Variants in SLC30A10 observed in about 807,000 individuals in gnomAD.
The protein encoded by SLC30A10 is solute carrier family 30 member 10, also known as calcium/manganese antiporter SLC30A10.
Under a neutral mutation model 21.7 loss-of-function variants are expected in SLC30A10, and 8 were observed. The ratio of observed to expected loss-of-function variants is 0.37; its 90% confidence interval spans 0.22 to 0.67. The LOEUF (loss-of-function observed/expected upper bound fraction) is 0.67. Among genes scored for constraint, SLC30A10 ranks in the 30% least tolerant of loss-of-function variants. The pLI is 0.58. For missense variants in SLC30A10, 521 were observed against 642.5 expected (o/e 0.81, Z 2.04); for synonymous variants, 272 against 279.4 (o/e 0.97, Z 0.26).
Position 219,928,369 on chromosome 1 carries a change from C to T in SLC30A10, c.72G>A (p.Ala24=). The part of the protein sequence containing the change: ...MLVLTVAFFV[A]ELVSGYLGNS... ...TGCCCAGGTAGCCGGAGACCAGCTC[C>T]GCCACGAAGAAGGCGACGGTGAGCA... Residue 24 remains alanine (A), a synonymous_variant, in exon 1 of 4, where the codon GCG becomes GCA. Transcript: ENST00000366926. The surrounding 1 kb of genome is among the most constrained non-coding windows in gnomAD (Gnocchi z 6.3). 1.9e-6 allele frequency: 3 copies of T among 1,613,538 alleles called. No individual in the cohort carries two copies. The highest frequency in any genetic ancestry group is 2.5e-6 in the Non-Finnish European group (3 of 1,179,744).
chr1:219,958,747 A>C, upstream of SLC30A10: 1 of 152,622 alleles, frequency 6.6e-6, no homozygotes, highest in East Asian at 1.9e-4. Flanking sequence ...GCTGAACATC[A>C]GCGCCACCGC....
chr1:219,923,797 C>T (rs966756889), intron 2 of SLC30A10, among the ~76,000 whole-genome samples: 5 of 152,168 alleles, frequency 3.3e-5, no homozygotes, highest in African/African-American at 7.2e-5. Flanking sequence ...CGGTGGCTCA[C>T]GCCTATAATC....
chr1:219,952,719 T>C (rs1381446030), intron 1 of SLC30A10, among the ~76,000 whole-genome samples: 1 of 152,208 alleles, frequency 6.6e-6, no homozygotes, highest in Non-Finnish European at 1.5e-5. Flanking sequence ...AGACTGACAA[T>C]GCACAGATGT....
At chr1:219,923,520 T>G (rs999024104) in intron 2 of SLC30A10, among the ~76,000 whole-genome samples, 1 of 152,244 alleles carries the variant, frequency 6.6e-6, no homozygotes, top group African/African-American at 2.4e-5. Flanking sequence ...TCTTTCTTAT[T>G]GGAATTACAA....
chr1:219,927,989 C>T lies in SLC30A10; in HGVS notation c.452G>A (p.Arg151His), dbSNP rs1263339271. ...CGCCAGCTGCTGCCGCTGCTGCAGG[C>T]GGCGACTGCGTCCCCGGAGGCAGCA... is the stretch of plus-strand genomic sequence containing the variant. ...FACCLRGRSRRLQQRQQLAEG... is the reference protein window; with the variant it reads ...FACCLRGRSRHLQQRQQLAEG... Residue 151 changes from arginine (R) to histidine (H), a missense_variant, in exon 1 of 4, where the codon CGC (arginine) becomes CAC (histidine). Physicochemically the swap from Arg to His is conservative, Grantham distance 29. Coordinates refer to ENST00000366926, the MANE Select transcript of SLC30A10 (RefSeq NM_018713.3). The T allele has an allele frequency of 6.4e-7, 1 of 1,552,798 alleles. No individual in the cohort carries two copies. Among genetic ancestry groups the T allele is most frequent in the African/African-American group, 1.4e-5 (1 of 72,460 alleles).
chr1:219,924,876 T>A (rs183848493), intron 2 of SLC30A10, among the ~76,000 whole-genome samples: 1 of 152,196 alleles, frequency 6.6e-6, no homozygotes, highest in African/African-American at 2.4e-5. Flanking sequence ...GATGAGGGGA[T>A]TGGAGGCTTA....
chr1:219,957,978 A>C (rs993205904), intron 1 of SLC30A10, among the ~76,000 whole-genome samples: 1 of 152,212 alleles, frequency 6.6e-6, no homozygotes, highest in Non-Finnish European at 1.5e-5. Flanking sequence ...GCAATAAATA[A>C]GTGCAAATTT....
At position 219,920,277 on chromosome 1, in the gene SLC30A10, T is replaced by G. The variant is rs551039931; in HGVS notation, c.719-1783A>C. ...CTCCCCAGTCCCTGTCCTGAACCACTGAAGGGAAACTCAAAAATACTTTGT... is the reference window on the plus strand; with the variant it reads ...CTCCCCAGTCCCTGTCCTGAACCACGGAAGGGAAACTCAAAAATACTTTGT... On this transcript the variant is annotated intron_variant, in intron 2 of 3. Coordinates refer to ENST00000366926, the MANE Select transcript of SLC30A10 (RefSeq NM_018713.3). Among the ~76,000 whole-genome samples, 321 of 152,266 alleles carry G rather than the reference T, an allele frequency of 2.1e-3. 1 individual carries two copies. The highest frequency in any genetic ancestry group is 7.5e-3 in the African/African-American group (310 of 41,554).
intron 1 of SLC30A10, among the ~76,000 whole-genome samples, chr1:219,948,049 T>C: frequency 6.6e-6 from 1 of 151,708 alleles, no homozygotes; most frequent in Non-Finnish European, 1.5e-5. Context: ...GAATCCAACT[T>C]ACAAGGGACG....
chr1:219,925,651 A>ATATATATTTTT (rs1317554458), intron 2 of SLC30A10, among the ~76,000 whole-genome samples: 4 of 48,282 alleles, frequency 8.3e-5, no homozygotes, highest in African/African-American at 4.7e-4. Flanking sequence ...ATATATATAT[A>ATATATATTTTT]TTTTTTTTTT....
At chr1:219,954,089 G>A (rs1660311034) in intron 1 of SLC30A10, among the ~76,000 whole-genome samples, 1 of 151,870 alleles carries the variant, frequency 6.6e-6, no homozygotes, top group Non-Finnish European at 1.5e-5. Flanking sequence ...TCTTGGCCTT[G>A]CCTACTCTGC....
rs1382463544 is a variant in SLC30A10, at chr1:219,915,309, A to G, written c.*140T>C. 12 of 1,092,706 alleles carry G rather than the reference A, an allele frequency of 1.1e-5. No individual in the cohort carries two copies. The highest frequency in any genetic ancestry group is 1.5e-5 in the Non-Finnish European group (11 of 752,340). The allele number at this position is 1,092,706 out of a possible 1,614,324, so 67.7% of individuals were successfully genotyped here. On this transcript the variant is annotated 3_prime_UTR_variant, in exon 4 of 4. Transcript: ENST00000366926. ...CACAGACACGTTTAACTAAAATCCC[A>G]AACAGCCAACCCCTAGTGAACACAG...
At position 219,928,510 on chromosome 1, in the gene SLC30A10, G is replaced by T. The variant is rs886046005; in HGVS notation, c.-70C>A. On this transcript the variant is annotated 5_prime_UTR_variant, in exon 1 of 4. Coordinates refer to ENST00000366926, the MANE Select transcript of SLC30A10 (RefSeq NM_018713.3). The surrounding 1 kb of genome is among the most constrained non-coding windows in gnomAD (Gnocchi z 6.3). ...GCCCACCCCGCGCGCAGCCACAGGT[G>T]GGGGGCGCGGCGCGGATCCGTGAGG... The T allele has an allele frequency of 3.2e-5, 44 of 1,381,276 alleles. No individual in the cohort carries two copies. The East Asian group carries it at 4.2e-4, about 13-fold the overall frequency. The allele number at this position is 1,381,276 out of a possible 1,614,324, so 85.6% of individuals were successfully genotyped here.
Position 219,926,156 on chromosome 1 carries a change from C to G in SLC30A10, c.718+872G>C, listed in dbSNP as rs1346282758. ...TATTGTTGTTATCTTCTGGATTTTC[C>G]CTATAGGTTCACTCTGAGAATTCCT... On this transcript the variant is annotated intron_variant, in intron 2 of 3. Transcript: ENST00000366926. Among the ~76,000 whole-genome samples the G allele has an allele frequency of 2.0e-5, 3 of 151,826 alleles. No homozygotes were observed. The South Asian group carries it at 6.2e-4, about 32-fold the overall frequency.
chr1:219,917,483 G>A (rs997649638), intron 3 of SLC30A10, among the ~76,000 whole-genome samples: 15 of 152,088 alleles, frequency 9.9e-5, no homozygotes, highest in Non-Finnish European at 2.2e-4. Flanking sequence ...TGCTCTGCCT[G>A]CAGCTCTGGG....
upstream of SLC30A10, among the ~76,000 whole-genome samples, chr1:219,932,824 G>A (rs1571806349): frequency 6.6e-6 from 1 of 150,906 alleles, no homozygotes. Flanking sequence ...CACTTTGGGA[G>A]GCTGAGGTGG....
Position 219,912,169 on chromosome 1 carries a change from G to GAAA in SLC30A10, c.*3279_*3280insTTT, listed in dbSNP as rs1207030716. ...ACCACTGGAATTTGCTCTACCAATG[G>GAAA]CAAAAAAAAAAAAAAAAAAAAAAAA... On this transcript the variant is annotated 3_prime_UTR_variant, in exon 4 of 4. Transcript: ENST00000366926. Among the ~76,000 whole-genome samples the GAAA allele has an allele frequency of 4.9e-5, 2 of 40,464 alleles. No individual in the cohort carries two copies. Among genetic ancestry groups the GAAA allele is most frequent in the Admixed American group, 3.5e-4 (1 of 2,850 alleles). The allele number at this position is 40,464 out of a possible 152,430, so 26.5% of individuals were successfully genotyped here. A position where few individuals can be genotyped will look rare whatever the true frequency, so the allele number is the denominator to read the frequency against.
chr1:219,938,088 T>C (rs1433019423), intron 1 of SLC30A10, among the ~76,000 whole-genome samples: 6 of 152,226 alleles, frequency 3.9e-5, no homozygotes, highest in African/African-American at 1.4e-4. Context: ...TTCTTTGTAG[T>C]ATCTCTATGT....
chr1:219,918,576 T>G lies in SLC30A10; in HGVS notation c.719-82A>C, dbSNP rs566324366. The G allele has an allele frequency of 6.0e-6, 9 of 1,492,368 alleles. No homozygotes were observed. In the South Asian group the frequency reaches 1.2e-4, roughly 20 times the overall value. The allele number at this position is 1,492,368 out of a possible 1,614,324, so 92.4% of individuals were successfully genotyped here. A position where few individuals can be genotyped will look rare whatever the true frequency, so the allele number is the denominator to read the frequency against. ...TCACTGACTTGGGTGTCCGGGTATATGAATATCTGTTACCATTTGGAGTTT... is the reference window on the plus strand; with the variant it reads ...TCACTGACTTGGGTGTCCGGGTATAGGAATATCTGTTACCATTTGGAGTTT... On this transcript the variant is annotated intron_variant, in intron 2 of 3. Coordinates refer to ENST00000366926, the MANE Select transcript of SLC30A10 (RefSeq NM_018713.3). The surrounding 1 kb of genome is among the most constrained non-coding windows in gnomAD (Gnocchi z 4.4).
Sources: gnomAD v4.1 joint callset for allele counts (sites outside exome capture counted in the v4.1 genomes callset) on GRCh38, gnomAD v4.1.1 for gene constraint, Gnocchi (gnomAD v3.1) non-coding constraint, MANE v1.5 for transcripts, NCBI Gene and HGNC (gene_info 2026-07-23, HGNC 2026-07-21) for gene names.